MTF2: variants seen among roughly 807,000 people sequenced by gnomAD.
The protein encoded by MTF2 is metal-response element-binding transcription factor 2.
Under a neutral mutation model 79.5 loss-of-function variants are expected in MTF2, and 11 were observed. That is an observed-to-expected ratio of 0.14 (90% CI 0.09 to 0.23). The LOEUF (loss-of-function observed/expected upper bound fraction) is 0.23, where lower values mean the gene tolerates loss of function less well. MTF2 is among the 10% of genes least tolerant of loss of function. MTF2 has a pLI of 1.00. For missense variants in MTF2, 486 were observed against 711.2 expected, an observed-to-expected ratio of 0.68 and a Z score of 3.60; for synonymous variants, 208 against 232.8, an observed-to-expected ratio of 0.89 and a Z score of 0.97.
chr1:93,097,678 A>G (rs967335849), intron 1 of MTF2, among the ~76,000 whole-genome samples: 1 of 151,810 alleles, frequency 6.6e-6, no homozygotes, highest in African/African-American at 2.4e-5. Context: ...GCTCACTGCA[A>G]CCTCCACCTC....
chr1:93,101,571 T>TG (rs1655539001), intron 1 of MTF2, among the ~76,000 whole-genome samples: 1 of 64,022 alleles, frequency 1.6e-5, no homozygotes, highest in African/African-American at 7.4e-5. Context: ...CAGGCTGGTT[T>TG]TTTTTTTTTT....
intron 1 of MTF2, among the ~76,000 whole-genome samples, chr1:93,088,871 C>T (rs1654960349): frequency 6.6e-6 from 1 of 152,048 alleles, no homozygotes; most frequent in South Asian, 2.1e-4. Context: ...CATGCCCAAC[C>T]TCATTTACAA....
intron 6 of MTF2, among the ~76,000 whole-genome samples, chr1:93,116,501 A>AT (rs34058324): frequency 0.16 from 19,749 of 120,260 alleles, 2,259 homozygotes; most frequent in African/African-American, 0.29. Flanking sequence ...CCATTGTAAG[A>AT]TTTTTTTTTT....
At chr1:93,127,671 G>GT (rs1275489025) in intron 10 of MTF2, among the ~76,000 whole-genome samples, 1 of 152,128 alleles carries the variant, frequency 6.6e-6, no homozygotes, top group Non-Finnish European at 1.5e-5. Flanking sequence ...GGGAATACGG[G>GT]TTTTTAAAAA....
chr1:93,079,515 T>C lies in MTF2; in HGVS notation c.-12T>C, dbSNP rs757606833. On this transcript the variant is annotated 5_prime_UTR_variant, in exon 1 of 15. Coordinates refer to ENST00000370298, the MANE Select transcript of MTF2 (RefSeq NM_007358.4). Reference sequence around the variant, plus strand: ...TCCTGTATGAAGCGGTTGGCACCACTGAAGTGACCGAATGAGGTGAGAGAC... The same window carrying C: ...TCCTGTATGAAGCGGTTGGCACCACCGAAGTGACCGAATGAGGTGAGAGAC... 18 of 1,613,492 alleles carry C rather than the reference T, an allele frequency of 1.1e-5. No homozygotes were observed. The South Asian group carries it at 2.0e-4, about 18-fold the overall frequency.
intron 1 of MTF2, among the ~76,000 whole-genome samples, chr1:93,088,160 A>C (rs996159721): frequency 1.3e-5 from 2 of 152,136 alleles, no homozygotes; most frequent in African/African-American, 4.8e-5. Context: ...GATTATAATG[A>C]CAACGCTGAA....
chr1:93,136,586 G>A, intron 14 of MTF2, 84 bp from the exon 15 acceptor site: 2 of 1,102,786 alleles, frequency 1.8e-6, no homozygotes. Context: ...GTATAGTAGA[G>A]TAATCCAGAA....
At chr1:93,104,878 C>T (rs970762029) in intron 1 of MTF2, among the ~76,000 whole-genome samples, 5 of 151,646 alleles carry the variant, frequency 3.3e-5, no homozygotes, top group Admixed American at 2.0e-4. Context: ...CATTCTCGGC[C>T]GGGCGCGGTG....
At chr1:93,101,236 A>G (rs1180844342) in intron 1 of MTF2, among the ~76,000 whole-genome samples, 1 of 152,144 alleles carries the variant, frequency 6.6e-6, no homozygotes, top group East Asian at 1.9e-4. Context: ...AAGGGAAGAA[A>G]CTTATTTGTC....
intron 1 of MTF2, among the ~76,000 whole-genome samples, chr1:93,086,029 A>G (rs976109254): frequency 2.0e-5 from 3 of 152,214 alleles, no homozygotes; most frequent in African/African-American, 7.2e-5. Flanking sequence ...TTATACCAAC[A>G]TCACTGCAAA....
chr1:93,080,564 GT>G (rs1654563172), intron 1 of MTF2, among the ~76,000 whole-genome samples: 1 of 152,198 alleles, frequency 6.6e-6, no homozygotes, highest in African/African-American at 2.4e-5. Context: ...CTAGGCCTGT[GT>G]GTAATACATA....
intron 9 of MTF2, among the ~76,000 whole-genome samples, chr1:93,124,022 C>G (rs2101080381): frequency 6.6e-6 from 1 of 152,016 alleles, no homozygotes; most frequent in East Asian, 1.9e-4. Context: ...AGATAATATC[C>G]TGTCATACTG....
At chr1:93,120,514 A>C (rs1656433746) in intron 8 of MTF2, 35 bp from the exon 9 acceptor site, 1 of 1,529,664 alleles carries the variant, frequency 6.5e-7, no homozygotes. Flanking sequence ...AACCAAAAAC[A>C]TTGTTTTGTG....
intron 9 of MTF2, chr1:93,121,864 T>A: frequency 1.9e-6 from 1 of 534,438 alleles, no homozygotes; most frequent in Non-Finnish European, 2.4e-6. Context: ...TGCAATGGCG[T>A]GATCTCAGCT....
intron 12 of MTF2, 30 bp from the exon 13 acceptor site, chr1:93,133,898 A>G (rs1447330518): frequency 6.5e-7 from 1 of 1,539,170 alleles, no homozygotes; most frequent in African/African-American, 1.4e-5. Flanking sequence ...CTTTAGAGAC[A>G]TGCTTTAAGT....
intron 9 of MTF2, among the ~76,000 whole-genome samples, chr1:93,121,982 A>C (rs761493638): frequency 2.4e-4 from 37 of 152,064 alleles, no homozygotes; most frequent in Middle Eastern, 6.8e-3. Flanking sequence ...TTGTATTTTT[A>C]GTAGAGATGG....
intron 9 of MTF2, 103 bp from the exon 10 acceptor site, chr1:93,127,129 A>G (rs1307765049): frequency 1.3e-5 from 10 of 753,676 alleles, no homozygotes; most frequent in East Asian, 2.7e-5. Context: ...CTGACTACCA[A>G]TCAGTACACT....
At chr1:93,106,835 T>C (rs1655814363) in intron 1 of MTF2, among the ~76,000 whole-genome samples, 1 of 152,168 alleles carries the variant, frequency 6.6e-6, no homozygotes, top group South Asian at 2.1e-4. Context: ...AAAGCTTTTT[T>C]CAAAGTTGAT....
chr1:93,121,216 C>CGTAG (rs1656462300), intron 9 of MTF2: 1 of 968,704 alleles, frequency 1.0e-6, no homozygotes, highest in African/African-American at 1.8e-5. Context: ...AGTGTAACTA[C>CGTAG]CTATGCTGGT....
Sources: allele counts gnomAD v4.1 joint callset (sites outside exome capture counted in the v4.1 genomes callset), GRCh38; gene constraint gnomAD v4.1.1; transcripts MANE v1.5; gene names NCBI Gene and HGNC (gene_info 2026-07-23, HGNC 2026-07-21).